Variants in ZSWIM5 observed in about 807,000 individuals in gnomAD.
ZSWIM5 encodes the protein zinc finger SWIM-type containing 5.
ZSWIM5 carries 55 observed loss-of-function variants against 119.6 expected under a neutral mutation model. That is an observed-to-expected ratio of 0.46 (90% CI 0.37 to 0.58). The LOEUF (loss-of-function observed/expected upper bound fraction) is 0.58, where lower values mean the gene tolerates loss of function less well. ZSWIM5 is among the 20% of genes least tolerant of loss of function. The pLI, the probability that ZSWIM5 is intolerant of heterozygous loss-of-function variation, is 0.00. For missense variants in ZSWIM5, 1,193 were observed against 1,512.8 expected (o/e 0.79, Z 3.51); for synonymous variants, 537 against 606.9 (o/e 0.88, Z 1.69).
chr1:45,044,776 A>T (rs1453536488), intron 5 of ZSWIM5, among the ~76,000 whole-genome samples: 25 of 1,108 alleles, frequency 0.023, 5 homozygotes, highest in African/African-American at 0.046. Context: ...TATATATATA[A>T]ATATATATAT....
At chr1:45,096,535 A>AACAC (rs370564289) in intron 1 of ZSWIM5, among the ~76,000 whole-genome samples, 1,959 of 140,388 alleles carry the variant, frequency 0.014, 34 homozygotes, top group African/African-American at 0.036. Flanking sequence ...TGGCCCTATC[A>AACAC]ACACACACAC....
intron 1 of ZSWIM5, among the ~76,000 whole-genome samples, chr1:45,100,290 C>T (rs558368065): frequency 0.013 from 1,927 of 152,252 alleles, 21 homozygotes; most frequent in Non-Finnish European, 0.02. Context: ...AGTGAACTCC[C>T]ATTCACAATT....
At chr1:45,143,601 G>A (rs952793490) in intron 1 of ZSWIM5, among the ~76,000 whole-genome samples, 1 of 150,482 alleles carries the variant, frequency 6.6e-6, no homozygotes, top group Non-Finnish European at 1.5e-5. Flanking sequence ...TTCTAATATC[G>A]GGAATAAGGC....
intron 1 of ZSWIM5, among the ~76,000 whole-genome samples, chr1:45,166,953 C>A (rs1382442230): frequency 3.9e-5 from 6 of 152,162 alleles, no homozygotes; most frequent in African/African-American, 1.2e-4. Context: ...ACTTTCTTCA[C>A]AGAATTGGAA....
At chr1:45,177,052 G>GTGT (rs55862658) in intron 1 of ZSWIM5, among the ~76,000 whole-genome samples, 2,291 of 152,152 alleles carry the variant, frequency 0.015, 34 homozygotes, top group Non-Finnish European at 0.025. Context: ...AGGGAAGTCA[G>GTGT]AAGAAAAGGG....
At chr1:45,187,623 T>C (rs1646067197) in intron 1 of ZSWIM5, among the ~76,000 whole-genome samples, 1 of 152,008 alleles carries the variant, frequency 6.6e-6, no homozygotes, top group Admixed American at 6.5e-5. Flanking sequence ...AATTTAACAC[T>C]TTTGTGCTTC....
rs1204037630 is a variant in ZSWIM5, at chr1:45,185,351, A to C, written c.595+20405T>G. Among the ~76,000 whole-genome samples, 711 of 151,402 alleles carry C rather than the reference A, an allele frequency of 4.7e-3. 9 individuals carry two copies. The highest frequency in any genetic ancestry group is 0.016 in the African/African-American group (670 of 41,310). ...GGACATAGGCATGGGCAAGGACTTC[A>C]TGTCTAAAACACCAAAAGCAATGGC... On this transcript the variant is annotated intron_variant, in intron 1 of 13. Coordinates refer to ENST00000359600, the MANE Select transcript of ZSWIM5 (RefSeq NM_020883.2).
intron 1 of ZSWIM5, among the ~76,000 whole-genome samples, chr1:45,171,101 A>C (rs1645943924): frequency 6.6e-6 from 1 of 152,162 alleles, no homozygotes; most frequent in Non-Finnish European, 1.5e-5. Context: ...TACATTTAAC[A>C]GTGCAGAACT....
intron 1 of ZSWIM5, among the ~76,000 whole-genome samples, chr1:45,160,277 AT>A (rs1309978858): frequency 6.6e-6 from 1 of 152,158 alleles, no homozygotes; most frequent in Non-Finnish European, 1.5e-5. Flanking sequence ...CATCCTGAGT[AT>A]TTATCATTTC....
Position 45,197,442 on chromosome 1 carries a change from T to C in ZSWIM5, c.595+8314A>G, listed in dbSNP as rs377552023. Among the ~76,000 whole-genome samples, 55 of 152,348 alleles carry C rather than the reference T, an allele frequency of 3.6e-4. 2 individuals are homozygous for C. The highest frequency in any genetic ancestry group is 1.3e-3 in the African/African-American group (52 of 41,588). On this transcript the variant is annotated intron_variant, in intron 1 of 13. Coordinates refer to ENST00000359600, the MANE Select transcript of ZSWIM5 (RefSeq NM_020883.2). Reference sequence around the variant, plus strand: ...GTTTCTTTTATTTAGCATAATACTTTTGAGATTCATCCGTGTTGCTAGCCT... The same window carrying C: ...GTTTCTTTTATTTAGCATAATACTTCTGAGATTCATCCGTGTTGCTAGCCT...
At chr1:45,089,514 G>A (rs1352704733) in intron 1 of ZSWIM5, among the ~76,000 whole-genome samples, 1 of 152,172 alleles carries the variant, frequency 6.6e-6, no homozygotes, top group East Asian at 1.9e-4. Flanking sequence ...TTCCTTAAAG[G>A]TATGTAAACT....
At chr1:45,063,906 C>T (rs535792101) in intron 2 of ZSWIM5, among the ~76,000 whole-genome samples, 120 of 151,782 alleles carry the variant, frequency 7.9e-4, no homozygotes, top group African/African-American at 2.7e-3. Flanking sequence ...GGTGTGAACC[C>T]GGAAGGCGGA....
chr1:45,081,495 T>C (rs1645290815), intron 2 of ZSWIM5, among the ~76,000 whole-genome samples: 2 of 152,232 alleles, frequency 1.3e-5, no homozygotes, highest in Admixed American at 1.3e-4. Flanking sequence ...ATTTTTTTGG[T>C]GGAGACGGGG....
intron 1 of ZSWIM5, among the ~76,000 whole-genome samples, chr1:45,175,870 G>A (rs1394142771): frequency 1.3e-5 from 2 of 151,660 alleles, no homozygotes; most frequent in Admixed American, 6.6e-5. Context: ...TTTGGCTAAT[G>A]GGAATCTCTT....
At chr1:45,075,877 A>ATTT (rs58309693) in intron 2 of ZSWIM5, among the ~76,000 whole-genome samples, 9,488 of 126,976 alleles carry the variant, frequency 0.075, 445 homozygotes, top group Middle Eastern at 0.12. Context: ...TAGCTGTTGT[A>ATTT]TTTTTTTTTT....
At chr1:45,156,422 T>C (rs1231025030) in intron 1 of ZSWIM5, among the ~76,000 whole-genome samples, 3 of 150,126 alleles carry the variant, frequency 2.0e-5, no homozygotes, top group African/African-American at 7.4e-5. Flanking sequence ...TCTACATATG[T>C]ACCCCTGAAT....
At chr1:45,071,266 C>T (rs1645220200) in intron 2 of ZSWIM5, among the ~76,000 whole-genome samples, 1 of 152,076 alleles carries the variant, frequency 6.6e-6, no homozygotes, top group East Asian at 1.9e-4. Context: ...CCCTGACATC[C>T]CCCCACTACC....
intron 1 of ZSWIM5, among the ~76,000 whole-genome samples, chr1:45,180,588 C>T (rs1646010800): frequency 1.3e-5 from 2 of 152,132 alleles, no homozygotes; most frequent in Non-Finnish European, 2.9e-5. Flanking sequence ...AGTGGTTCTC[C>T]CAGCACGCAG....
intron 1 of ZSWIM5, among the ~76,000 whole-genome samples, chr1:45,151,707 G>C (rs948617046): frequency 6.6e-6 from 1 of 152,076 alleles, no homozygotes; most frequent in African/African-American, 2.4e-5. Context: ...GGGTAAAAAA[G>C]ACAAGACAAA....
Sources: gnomAD v4.1 joint callset for allele counts (sites outside exome capture counted in the v4.1 genomes callset) on GRCh38, gnomAD v4.1.1 for gene constraint, MANE v1.5 for transcripts, NCBI Gene and HGNC (gene_info 2026-07-23, HGNC 2026-07-21) for gene names.